SPATA17: variants seen among roughly 807,000 people sequenced by gnomAD.
The protein encoded by SPATA17 is spermatogenesis-associated protein 17.
SPATA17 carries 53 observed loss-of-function variants against 62.2 expected under a neutral mutation model. That is an observed-to-expected ratio of 0.85 (90% CI 0.68 to 1.07). SPATA17 has a LOEUF of 1.07. Among genes scored for constraint, SPATA17 ranks in the 50% least tolerant of loss-of-function variants. SPATA17 has a pLI of 0.00. For synonymous variants in SPATA17, 146 were observed against 146.8 expected (o/e 0.99, Z 0.04); for missense variants, 466 against 425.5 (o/e 1.10, Z -0.84).
intron 8 of SPATA17, among the ~76,000 whole-genome samples, chr1:217,793,167 G>T (rs1331987698): frequency 6.6e-6 from 1 of 151,470 alleles, no homozygotes. Flanking sequence ...AAACTATATA[G>T]AGAGAAGATT....
At chr1:217,784,014 ATT>A (rs967752469) in intron 8 of SPATA17, among the ~76,000 whole-genome samples, 2 of 149,618 alleles carry the variant, frequency 1.3e-5, no homozygotes, top group Non-Finnish European at 3.0e-5. Flanking sequence ...CAAATCTATT[ATT>A]TTTTTTTTGC....
At chr1:217,808,795 C>T (rs1674509105) in intron 9 of SPATA17, among the ~76,000 whole-genome samples, 1 of 150,520 alleles carries the variant, frequency 6.6e-6, no homozygotes, top group African/African-American at 2.5e-5. Context: ...GCAGAGGTTG[C>T]AGTGAGCTGA....
chr1:217,850,554 T>C lies in SPATA17; in HGVS notation c.1006-12220T>C, dbSNP rs770364330. 2.9e-5 allele frequency: 46 copies of C among 1,593,626 alleles called. No individual in the cohort carries two copies. The Middle Eastern group carries it at 1.0e-3, about 35-fold the overall frequency. On this transcript the variant is annotated intron_variant, in intron 9 of 10. Transcript: ENST00000366933. The stretch of plus-strand genomic sequence containing the variant: ...GCCTTCCTTATCCTGGATATTGGCC[T>C]TCACATTTTCGATGGTGTCACTGGG...
chr1:217,781,919 GA>G (rs1339065793), intron 7 of SPATA17, among the ~76,000 whole-genome samples: 1 of 152,022 alleles, frequency 6.6e-6, no homozygotes, highest in East Asian at 1.9e-4. Context: ...ATAACATGAA[GA>G]TCTTTTGATG....
At chr1:217,846,050 G>A (rs1364123551) in intron 9 of SPATA17, among the ~76,000 whole-genome samples, 1 of 152,088 alleles carries the variant, frequency 6.6e-6, no homozygotes, top group Admixed American at 6.6e-5. Flanking sequence ...ATATTGTGAG[G>A]TAATCACATT....
At chr1:217,688,598 T>C (rs530351454) in intron 5 of SPATA17, among the ~76,000 whole-genome samples, 1 of 152,328 alleles carries the variant, frequency 6.6e-6, no homozygotes, top group African/African-American at 2.4e-5. Context: ...CTTATCAATT[T>C]TAGAAGCATC....
At chr1:217,676,638 G>A (rs1670951840) in intron 4 of SPATA17, among the ~76,000 whole-genome samples, 1 of 152,114 alleles carries the variant, frequency 6.6e-6, no homozygotes, top group Non-Finnish European at 1.5e-5. Flanking sequence ...GGAAATATTT[G>A]TTCCTTGTAA....
chr1:217,658,870 G>A (rs921598505), intron 3 of SPATA17, among the ~76,000 whole-genome samples: 1 of 152,112 alleles, frequency 6.6e-6, no homozygotes, highest in African/African-American at 2.4e-5. Flanking sequence ...CAACTATTTT[G>A]GAAGCTAGAC....
At chr1:217,857,252 A>T (rs1346978083) in intron 9 of SPATA17, among the ~76,000 whole-genome samples, 2 of 152,208 alleles carry the variant, frequency 1.3e-5, no homozygotes, top group Non-Finnish European at 2.9e-5. Context: ...GAAACAGTGC[A>T]GCTGCCAACC....
chr1:217,834,478 G>A (rs184667193), intron 9 of SPATA17, among the ~76,000 whole-genome samples: 4 of 152,170 alleles, frequency 2.6e-5, no homozygotes, highest in Admixed American at 1.3e-4. Context: ...AGATGGTGAC[G>A]TAGATGATCA....
intron 7 of SPATA17, 30 bp downstream of exon 7, chr1:217,774,567 A>C (rs1291456996): frequency 2.5e-6 from 4 of 1,588,036 alleles, no homozygotes; most frequent in Non-Finnish European, 2.6e-6. Flanking sequence ...GAATTCTGTC[A>C]TTAATTTTAT....
chr1:217,686,340 T>C (rs1671214077), intron 5 of SPATA17, among the ~76,000 whole-genome samples: 1 of 152,308 alleles, frequency 6.6e-6, no homozygotes, highest in East Asian at 1.9e-4. Context: ...CCATTTTCTT[T>C]ATTTCCAGAT....
At chr1:217,819,931 G>A (rs562199332) in intron 9 of SPATA17, among the ~76,000 whole-genome samples, 1 of 151,970 alleles carries the variant, frequency 6.6e-6, no homozygotes, top group Non-Finnish European at 1.5e-5. Context: ...GAGGCAGGAA[G>A]TATGCTAGAC....
chr1:217,683,252 T>C lies in SPATA17; in HGVS notation c.292-6T>C, dbSNP rs764882354. On this transcript the variant is annotated splice_region_variant and splice_polypyrimidine_tract_variant and intron_variant, in intron 4 of 10. Transcript: ENST00000366933. The stretch of plus-strand genomic sequence containing the variant: ...GCATATTTTATCTCTTTATTTACTT[T>C]AATAGATTCAGAGACGATGGCGAGG... 2 of 1,578,364 alleles carry C rather than the reference T, an allele frequency of 1.3e-6. No homozygotes were observed. Among genetic ancestry groups the C allele is most frequent in the Non-Finnish European group, 1.7e-6 (2 of 1,157,268 alleles).
intron 6 of SPATA17, among the ~76,000 whole-genome samples, chr1:217,750,260 A>G (rs1672873965): frequency 6.6e-6 from 1 of 151,932 alleles, no homozygotes; most frequent in African/African-American, 2.4e-5. Context: ...AAATTGATAG[A>G]TTGTGAACAG....
chr1:217,771,391 C>G (rs1396050758), intron 6 of SPATA17, among the ~76,000 whole-genome samples: 1 of 151,876 alleles, frequency 6.6e-6, no homozygotes, highest in Non-Finnish European at 1.5e-5. Context: ...TTAACCCTGT[C>G]TTTTGTGACT....
chr1:217,857,582 C>T (rs982250824), intron 9 of SPATA17, among the ~76,000 whole-genome samples: 1 of 152,096 alleles, frequency 6.6e-6, no homozygotes, highest in Non-Finnish European at 1.5e-5. Context: ...TGACACTGTG[C>T]AAGTGTGCAG....
At chr1:217,832,213 A>C (rs1284498487) in intron 9 of SPATA17, among the ~76,000 whole-genome samples, 1 of 152,172 alleles carries the variant, frequency 6.6e-6, no homozygotes, top group Non-Finnish European at 1.5e-5. Flanking sequence ...AAAATACCAC[A>C]TATAAAATGT....
At chr1:217,821,894 G>C (rs924037809) in intron 9 of SPATA17, among the ~76,000 whole-genome samples, 2 of 152,034 alleles carry the variant, frequency 1.3e-5, no homozygotes, top group Admixed American at 1.3e-4. Context: ...CCTAGAAATG[G>C]GAATAACAGG....
Sources: gnomAD v4.1 joint callset for allele counts (sites outside exome capture counted in the v4.1 genomes callset) on GRCh38, gnomAD v4.1.1 for gene constraint, MANE v1.5 for transcripts, NCBI Gene and HGNC (gene_info 2026-07-23, HGNC 2026-07-21) for gene names.